The following PARP12 variants were observed in gnomAD, a reference collection of about 807,000 sequenced individuals.
The protein encoded by PARP12 is protein mono-ADP-ribosyltransferase PARP12.
PARP12 carries 59 observed loss-of-function variants against 72.4 expected under a neutral mutation model. That is an observed-to-expected ratio of 0.81 (90% CI 0.66 to 1.01). The LOEUF (loss-of-function observed/expected upper bound fraction) is 1.01, where lower values mean the gene tolerates loss of function less well. PARP12 is among the 50% of genes least tolerant of loss of function. The probability of loss-of-function intolerance (pLI) is 0.00; values close to 1 mark genes in which losing one functional copy is unlikely to be tolerated. For synonymous variants in PARP12, 403 were observed against 371.4 expected (o/e 1.09, Z -0.98); for missense variants, 851 against 914.0 (o/e 0.93, Z 0.89).
intron 2 of PARP12, 155 bp downstream of exon 2, chr7:140,057,744 A>T: frequency 9.1e-7 from 1 of 1,097,408 alleles, no homozygotes; most frequent in Non-Finnish European, 1.3e-6. Context: ...CTTGAACTTC[A>T]CTGCTCCTTC....
chr7:140,062,794 C>A lies in PARP12; in HGVS notation c.54G>T (p.Gly18=). ...GEVTQVLCAA[G]GALELPELRR... Reference sequence around the variant, plus strand: ...GCAGCTCGGGCAACTCCAGGGCGCCCCCGGCCGCGCACAGCACCTGGGTGA... The same window carrying A: ...GCAGCTCGGGCAACTCCAGGGCGCCACCGGCCGCGCACAGCACCTGGGTGA... The change falls in exon 1 of 12, where the codon GGG becomes GGT. Residue 18 remains glycine (G), a synonymous_variant. Transcript: ENST00000263549. The A allele has an allele frequency of 7.1e-7, 1 of 1,412,304 alleles. No individual in the cohort carries two copies. Among genetic ancestry groups the A allele is most frequent in the Non-Finnish European group, 9.3e-7 (1 of 1,080,500 alleles). The allele number at this position is 1,412,304 out of a possible 1,614,324, so 87.5% of individuals were successfully genotyped here. A position where few individuals can be genotyped will look rare whatever the true frequency, so the allele number is the denominator to read the frequency against.
Position 140,062,736 on chromosome 7 carries a change from C to CT in PARP12, c.111_112insA (p.Ala38SerfsTer76). On this transcript the variant is annotated frameshift_variant, in exon 1 of 12. Transcript: ENST00000263549. LOFTEE classifies it high-confidence loss of function. Reference sequence around the variant, plus strand: ...CGCTGCCGCAGCAGCCGCTCCAGCGCGTCGGCGCTCAAGCCCATCCGCAAG... The same window carrying CT: ...CGCTGCCGCAGCAGCCGCTCCAGCGCTGTCGGCGCTCAAGCCCATCCGCAAG... 2 of 1,367,016 alleles carry CT rather than the reference C, an allele frequency of 1.5e-6. No homozygotes were observed. The highest frequency in any genetic ancestry group is 1.9e-6 in the Non-Finnish European group (2 of 1,053,440). The allele number at this position is 1,367,016 out of a possible 1,614,324, so 84.7% of individuals were successfully genotyped here. A position where few individuals can be genotyped will look rare whatever the true frequency, so the allele number is the denominator to read the frequency against.
intron 4 of PARP12, among the ~76,000 whole-genome samples, chr7:140,052,979 GAA>G (rs1817024761): frequency 6.6e-6 from 1 of 152,110 alleles, no homozygotes. Context: ...TACAATAACT[GAA>G]ACTCTCACAC....
chr7:140,043,313 CTG>C (rs1816573201), intron 5 of PARP12, among the ~76,000 whole-genome samples: 2 of 152,232 alleles, frequency 1.3e-5, no homozygotes, highest in Admixed American at 1.3e-4. Flanking sequence ...TCAGACCACC[CTG>C]AACTATAAAC....
intron 5 of PARP12, among the ~76,000 whole-genome samples, chr7:140,045,723 CAA>C (rs756025899): frequency 2.0e-5 from 3 of 152,062 alleles, no homozygotes; most frequent in Non-Finnish European, 4.4e-5. Context: ...ACAAGAAGAT[CAA>C]AAAGAGAAAA....
chr7:140,035,950 GGACGAGGAGGAGGAGGAGGAC>G (rs1816152375), intron 7 of PARP12, among the ~76,000 whole-genome samples: 3 of 90,932 alleles, frequency 3.3e-5, no homozygotes, highest in Admixed American at 1.1e-4. Context: ...AGGAGGAGGA[GGACGAGGAGGAGGAGGAGGAC>G]GAGGAGGAGG....
chr7:140,055,914 G>A (rs1306037697), intron 3 of PARP12, among the ~76,000 whole-genome samples: 1 of 152,184 alleles, frequency 6.6e-6, no homozygotes, highest in Non-Finnish European at 1.5e-5. Context: ...TGACATTCTA[G>A]GAAGTGCTCT....
Position 140,044,665 on chromosome 7 carries a change from A to G in PARP12, c.986+2219T>C, listed in dbSNP as rs565360893. Among the ~76,000 whole-genome samples the G allele has an allele frequency of 7.7e-4, 118 of 152,352 alleles. No homozygotes were observed. The South Asian group carries it at 0.023, about 30-fold the overall frequency. ...TAAGAAGTGAACTAATACCACCTCG[A>G]TTTAGGCTGATAGCTAACTTCTAAG... On this transcript the variant is annotated intron_variant, in intron 5 of 11. Transcript: ENST00000263549.
chr7:140,025,243 G>A (rs1469126686), intron 11 of PARP12: 1 of 308,080 alleles, frequency 3.2e-6, no homozygotes, highest in Non-Finnish European at 6.3e-6. Flanking sequence ...AACCTTACAG[G>A]GTTGGCATGG....
intron 6 of PARP12, among the ~76,000 whole-genome samples, chr7:140,041,043 T>C (rs1281850632): frequency 1.3e-5 from 2 of 152,154 alleles, no homozygotes; most frequent in African/African-American, 4.8e-5. Context: ...GCTGGGATTG[T>C]AGGCATGAGC....
chr7:140,025,098 G>A, intron 11 of PARP12: 1 of 576,170 alleles, frequency 1.7e-6, no homozygotes, highest in South Asian at 2.1e-5. Context: ...AGCATCTGAG[G>A]AGTTACCAAA....
In PARP12 at chr7:140,062,919, G is replaced by A; in HGVS notation, c.-72C>T. On this transcript the variant is annotated 5_prime_UTR_variant, in exon 1 of 12. Coordinates refer to ENST00000263549, the MANE Select transcript of PARP12 (RefSeq NM_022750.4). Reference sequence around the variant, plus strand: ...CGGCGGCGGACGCTGGCTGGCGGGCGGCTCTCGCAGGGTGGAGACGCCGGC... The same window carrying A: ...CGGCGGCGGACGCTGGCTGGCGGGCAGCTCTCGCAGGGTGGAGACGCCGGC... 2.5e-6 allele frequency: 3 copies of A among 1,178,446 alleles called. No homozygotes were observed. Among genetic ancestry groups the A allele is most frequent in the Non-Finnish European group, 2.1e-6 (2 of 944,832 alleles). 73.0% of individuals were successfully genotyped at this position (1,178,446 alleles called of 1,614,324 possible).
Position 140,062,724 on chromosome 7 carries a change from G to C in PARP12, c.124C>G (p.Leu42Val). 1 of 1,355,052 alleles carries C rather than the reference G, an allele frequency of 7.4e-7. No individual in the cohort carries two copies. Among genetic ancestry groups the C allele is most frequent in the Non-Finnish European group, 9.5e-7 (1 of 1,047,166 alleles). The allele number at this position is 1,355,052 out of a possible 1,614,324, so 83.9% of individuals were successfully genotyped here. A position where few individuals can be genotyped will look rare whatever the true frequency, so the allele number is the denominator to read the frequency against. The change falls in exon 1 of 12, where the codon CTG (leucine) becomes GTG (valine). Residue 42 changes from leucine to valine, a missense_variant. By Grantham distance (32) the Leu-to-Val change is conservative. Around this residue, in one of 3 missense-constraint regions of PARP12, gnomAD observed 492 missense variants for 489.3 expected, o/e 1.01. Transcript: ENST00000263549. ...ACGAAGCGCCCACGCTGCCGCAGCA[G>C]CCGCTCCAGCGCGTCGGCGCTCAAG... ...MGLSADALERLLRQRGRFVVA... is the reference protein window; with the variant it reads ...MGLSADALERVLRQRGRFVVA...
chr7:140,044,420 G>C (rs1420054576), intron 5 of PARP12, among the ~76,000 whole-genome samples: 2 of 152,202 alleles, frequency 1.3e-5, no homozygotes, highest in Non-Finnish European at 2.9e-5. Context: ...TGTGACAATG[G>C]AGGCTGAGAT....
intron 8 of PARP12, among the ~76,000 whole-genome samples, chr7:140,029,617 A>G (rs1402775401): frequency 1.3e-5 from 2 of 152,234 alleles, no homozygotes; most frequent in Non-Finnish European, 2.9e-5. Context: ...AGAGATTACA[A>G]AACAATTATT....
Position 140,047,008 on chromosome 7 carries a change from C to T in PARP12, c.863-1G>A. ...TGGAAATGAACTCTATGGCACTTAT[C>T]TGAAATAAAAACATAAAGGAGTAAG... On this transcript the variant is annotated splice_acceptor_variant, in intron 4 of 11. Coordinates refer to ENST00000263549, the MANE Select transcript of PARP12 (RefSeq NM_022750.4). LOFTEE classifies it high-confidence loss of function. 6.2e-7 allele frequency: 1 copy of T among 1,610,450 alleles called. No homozygotes were observed. Among genetic ancestry groups the T allele is most frequent in the Non-Finnish European group, 8.5e-7 (1 of 1,178,510 alleles).
intron 8 of PARP12, among the ~76,000 whole-genome samples, chr7:140,031,022 T>C (rs1470171362): frequency 6.6e-6 from 1 of 152,040 alleles, no homozygotes; most frequent in Non-Finnish European, 1.5e-5. Context: ...GGAAGGCAAA[T>C]GGAAGAAAAG....
chr7:140,062,407 G>A (rs557236360), intron 1 of PARP12, 115 bp downstream of exon 1: 22 of 1,098,444 alleles, frequency 2.0e-5, no homozygotes, highest in Admixed American at 5.2e-5. Context: ...TGCGAGGTCA[G>A]GGCAGAGCCA....
At chr7:140,061,207 T>G (rs1191032432) in intron 1 of PARP12, among the ~76,000 whole-genome samples, 1 of 152,212 alleles carries the variant, frequency 6.6e-6, no homozygotes, top group Non-Finnish European at 1.5e-5. Flanking sequence ...GTCAATGGGA[T>G]GTGGGTGAAA....
Sources: gnomAD v4.1 joint callset for allele counts (sites outside exome capture counted in the v4.1 genomes callset) on GRCh38, gnomAD v4.1.1 for gene constraint, gnomAD v4.1.1 regional missense constraint, MANE v1.5 for transcripts, NCBI Gene and HGNC (gene_info 2026-07-23, HGNC 2026-07-21) for gene names.